KLHL1: variants seen among roughly 807,000 people sequenced by gnomAD.
The protein encoded by KLHL1 is kelch-like protein 1.
Under a neutral mutation model 77.7 loss-of-function variants are expected in KLHL1, and 47 were observed. The ratio of observed to expected loss-of-function variants is 0.60; its 90% CI spans 0.48 to 0.77. KLHL1 has a LOEUF of 0.77. Ranked by LOEUF, KLHL1 falls within the 30% of genes least tolerant of loss-of-function variation. The pLI, the probability that KLHL1 is intolerant of heterozygous loss-of-function variation, is 0.00. For synonymous variants in KLHL1, 360 were observed against 325.2 expected (o/e 1.11, Z -1.15); for missense variants, 925 against 910.8 (o/e 1.02, Z -0.20).
intron 1 of KLHL1, among the ~76,000 whole-genome samples, chr13:70,061,040 G>A (rs538557616): frequency 1.3e-5 from 2 of 152,156 alleles, no homozygotes; most frequent in South Asian, 4.1e-4. Context: ...ATTGATCTCA[G>A]GGAGATAGAG....
chr13:69,951,219 C>G (rs1438512883), intron 3 of KLHL1, among the ~76,000 whole-genome samples: 2 of 151,178 alleles, frequency 1.3e-5, no homozygotes. Flanking sequence ...AATGCCTTTC[C>G]CAGTATTTTT....
At chr13:69,839,770 A>G (rs938811220) in intron 5 of KLHL1, among the ~76,000 whole-genome samples, 3 of 152,036 alleles carry the variant, frequency 2.0e-5, no homozygotes, top group Non-Finnish European at 4.4e-5. Flanking sequence ...CAATAGAGTG[A>G]GACCAGTAGT....
chr13:70,002,260 C>T (rs772700633), intron 1 of KLHL1, among the ~76,000 whole-genome samples: 30 of 151,210 alleles, frequency 2.0e-4, no homozygotes, highest in Non-Finnish European at 4.0e-4. Flanking sequence ...CAAAATGGTC[C>T]GCATGTTTGA....
At chr13:70,041,513 G>A (rs571770380) in intron 1 of KLHL1, among the ~76,000 whole-genome samples, 1 of 152,234 alleles carries the variant, frequency 6.6e-6, no homozygotes, top group East Asian at 1.9e-4. Context: ...GTTGGGTAGG[G>A]GTAAAGTGGG....
chr13:69,781,507 C>T (rs940908442), intron 7 of KLHL1, among the ~76,000 whole-genome samples: 8 of 152,082 alleles, frequency 5.3e-5, no homozygotes, highest in Non-Finnish European at 8.8e-5. Context: ...GATTGATACT[C>T]AAAAGCCTCA....
At chr13:69,720,211 TTTA>T (rs1405235247) in intron 8 of KLHL1, among the ~76,000 whole-genome samples, 4 of 152,246 alleles carry the variant, frequency 2.6e-5, no homozygotes, top group Non-Finnish European at 5.9e-5. Flanking sequence ...CTATAATTAT[TTTA>T]TTAATGAGAA....
chr13:69,997,792 A>C (rs998625238), intron 1 of KLHL1, among the ~76,000 whole-genome samples: 1 of 148,360 alleles, frequency 6.7e-6, no homozygotes, highest in African/African-American at 2.4e-5. Flanking sequence ...TATAATATGT[A>C]TTTTATATCT....
rs1876052071 is a variant in KLHL1 at position 69,714,951 on chromosome 13, T to A, written c.2015+4418A>T. On this transcript the variant is annotated intron_variant, in intron 9 of 10. Transcript: ENST00000377844. ...TTTCATTTATTCGTGCATATTTGTA[T>A]TTCCACAGAATCCTTCTTCCTCAAA... Among the ~76,000 whole-genome samples the A allele has an allele frequency of 2.0e-5, 3 of 152,142 alleles. No homozygotes were observed. The South Asian group carries it at 6.2e-4, about 31-fold the overall frequency.
chr13:69,875,940 C>G (rs1438667883), intron 5 of KLHL1, among the ~76,000 whole-genome samples: 2 of 151,806 alleles, frequency 1.3e-5, no homozygotes, highest in South Asian at 2.1e-4. Context: ...ACTAATCAGA[C>G]AGCCAGCAAA....
At chr13:70,044,873 G>T (rs1007510542) in intron 1 of KLHL1, among the ~76,000 whole-genome samples, 2 of 152,130 alleles carry the variant, frequency 1.3e-5, no homozygotes, top group Non-Finnish European at 2.9e-5. Flanking sequence ...CAGCACACCA[G>T]GAGTTATAGA....
intron 1 of KLHL1, among the ~76,000 whole-genome samples, chr13:70,087,936 G>C (rs1887585143): frequency 6.6e-6 from 1 of 152,136 alleles, no homozygotes; most frequent in African/African-American, 2.4e-5. Flanking sequence ...GCATAGGGAA[G>C]GGAGAGCATC....
At chr13:69,990,050 A>G (rs991961985) in intron 1 of KLHL1, among the ~76,000 whole-genome samples, 7 of 152,000 alleles carry the variant, frequency 4.6e-5, no homozygotes, top group African/African-American at 9.7e-5. Flanking sequence ...ATAAATTCCA[A>G]CCAATAATTT....
rs762034599 is a variant in KLHL1 at position 69,719,530 on chromosome 13, T to C, written c.1854A>G (p.Glu618=). The C allele has an allele frequency of 6.2e-7, 1 of 1,613,416 alleles. No individual in the cohort carries two copies. The highest frequency in any genetic ancestry group is 2.2e-5 in the East Asian group (1 of 44,854). ...ACTTATTTGTATGAGGATCATAATA[T>C]TCCATTGAACTCAAACAGGAACTTC... ...RDGSSCLSSM[E]YYDPHTNKWN... is the part of the protein sequence containing the mutation. Residue 618 remains glutamate (E), a synonymous_variant, in exon 9 of 11, where the codon GAA becomes GAG. Transcript: ENST00000377844.
At chr13:69,928,084 C>A (rs1363779378) in intron 4 of KLHL1, among the ~76,000 whole-genome samples, 3 of 152,154 alleles carry the variant, frequency 2.0e-5, no homozygotes, top group African/African-American at 7.2e-5. Flanking sequence ...TTGGCACCCC[C>A]ATTGTTCCTA....
At chr13:69,799,391 T>A (rs951246693) in intron 6 of KLHL1, among the ~76,000 whole-genome samples, 2 of 152,126 alleles carry the variant, frequency 1.3e-5, no homozygotes, top group Non-Finnish European at 1.5e-5. Flanking sequence ...AAAGGAAAAG[T>A]CAGGAATTGA....
At chr13:69,999,707 G>C (rs575703518) in intron 1 of KLHL1, among the ~76,000 whole-genome samples, 4 of 152,036 alleles carry the variant, frequency 2.6e-5, no homozygotes, top group Non-Finnish European at 4.4e-5. Context: ...GTGTGGAACT[G>C]TGGTAGAACT....
intron 5 of KLHL1, among the ~76,000 whole-genome samples, chr13:69,852,621 A>T (rs146625243): frequency 6.6e-6 from 1 of 152,056 alleles, no homozygotes; most frequent in African/African-American, 2.4e-5. Context: ...ATCACTTTAT[A>T]TTTGCAGATT....
intron 4 of KLHL1, among the ~76,000 whole-genome samples, chr13:69,917,030 G>T (rs1882467725): frequency 6.6e-6 from 1 of 151,912 alleles, no homozygotes; most frequent in Admixed American, 6.6e-5. Context: ...GTGTATGCAG[G>T]TATATGTGTA....
At chr13:70,070,209 A>G (rs936546573) in intron 1 of KLHL1, among the ~76,000 whole-genome samples, 1 of 152,020 alleles carries the variant, frequency 6.6e-6, no homozygotes, top group African/African-American at 2.4e-5. Context: ...CGAATTTTCT[A>G]AAGTTAATGG....
Sources: gnomAD v4.1 joint callset for allele counts (sites outside exome capture counted in the v4.1 genomes callset) on GRCh38, gnomAD v4.1.1 for gene constraint, MANE v1.5 for transcripts, NCBI Gene and HGNC (gene_info 2026-07-23, HGNC 2026-07-21) for gene names.